Variants in CARS2 observed in about 807,000 individuals in gnomAD.
The protein encoded by CARS2 is cysteinyl-tRNA synthetase 2, mitochondrial.
A neutral mutation model predicts 68.8 loss-of-function variants in CARS2; 52 were observed. That is an observed-to-expected ratio of 0.76 (90% CI 0.61 to 0.95). CARS2 has a LOEUF of 0.95. Ranked by LOEUF, CARS2 falls within the 40% of genes least tolerant of loss-of-function variation. The pLI, the probability that CARS2 is intolerant of heterozygous loss-of-function variation, is 0.00. For synonymous variants in CARS2, 314 were observed against 303.6 expected (o/e 1.03, Z -0.36); for missense variants, 780 against 754.2 (o/e 1.03, Z -0.40).
In CARS2 at chr13:110,644,047, G is replaced by GA. The variant is rs547477165; in HGVS notation, c.1416+337dup. ...GCCAACTTGCCCTCAAATGGGTCAG[G>GA]AAAAAATGTTCTCTTACTGTGCCTG... is the stretch of plus-strand genomic sequence containing the variant. On this transcript the variant is annotated intron_variant, in intron 13 of 14. Transcript: ENST00000257347. 920 of 1,244,640 alleles carry GA rather than the reference G, an allele frequency of 7.4e-4. 12 individuals are homozygous for GA. In the African/African-American group the frequency reaches 0.012, roughly 16 times the overall value. The allele number at this position is 1,244,640 out of a possible 1,614,324, so 77.1% of individuals were successfully genotyped here.
chr13:110,642,626 G>T, intron 13 of CARS2, 105 bp from the exon 14 acceptor site: 2 of 1,101,116 alleles, frequency 1.8e-6, no homozygotes, highest in Non-Finnish European at 2.8e-6. Context: ...CCAGCCCTGG[G>T]CTTCCCTGAT....
chr13:110,711,200 G>A (rs2064023976), upstream of CARS2, among the ~76,000 whole-genome samples: 1 of 151,304 alleles, frequency 6.6e-6, no homozygotes, highest in Non-Finnish European at 1.5e-5. Context: ...TCCACATAAT[G>A]TTATCTTGTC....
chr13:110,691,895 G>A (rs1349083640), intron 3 of CARS2, among the ~76,000 whole-genome samples: 1 of 149,732 alleles, frequency 6.7e-6, no homozygotes, highest in Admixed American at 6.7e-5. Context: ...GCATCCACAG[G>A]GGCATCCCTA....
intron 3 of CARS2, among the ~76,000 whole-genome samples, chr13:110,700,680 A>C (rs2063758722): frequency 1.3e-5 from 2 of 152,262 alleles, no homozygotes; most frequent in African/African-American, 4.8e-5. Flanking sequence ...TTGTTCTGAG[A>C]CTGAAATACT....
At chr13:110,687,407 C>T (rs1329895036) in intron 5 of CARS2, among the ~76,000 whole-genome samples, 2 of 152,144 alleles carry the variant, frequency 1.3e-5, no homozygotes, top group Non-Finnish European at 1.5e-5. Context: ...CAGTGGCTCA[C>T]GCCTGTAATC....
chr13:110,697,832 G>T, intron 3 of CARS2: 1 of 402,446 alleles, frequency 2.5e-6, no homozygotes, highest in Non-Finnish European at 4.9e-6. Flanking sequence ...ATTGGGAAAA[G>T]GCTAGAACTG....
chr13:110,712,954 A>C (rs950489401), intron 1 of CARS2: 1 of 1,559,428 alleles, frequency 6.4e-7, no homozygotes, highest in Non-Finnish European at 8.7e-7. Flanking sequence ...GGCTGCTGGG[A>C]GTGGTGGTCC....
chr13:110,697,698 T>C (rs2063663114), intron 3 of CARS2, among the ~76,000 whole-genome samples: 1 of 152,198 alleles, frequency 6.6e-6, no homozygotes, highest in African/African-American at 2.4e-5. Context: ...CCTTCCAAAG[T>C]ATAGGATTAC....
intron 9 of CARS2, among the ~76,000 whole-genome samples, chr13:110,655,488 A>G (rs1208341143): frequency 6.6e-6 from 1 of 152,206 alleles, no homozygotes; most frequent in Non-Finnish European, 1.5e-5. Context: ...GACTGAGGCC[A>G]AGAGATTAAT....
chr13:110,712,930 G>A (rs901522507), intron 1 of CARS2: 1 of 1,556,768 alleles, frequency 6.4e-7, no homozygotes, highest in South Asian at 1.2e-5. Flanking sequence ...TGGCGCAGGC[G>A]CGGGAGCCGC....
chr13:110,696,343 A>C (rs563825406), intron 3 of CARS2, among the ~76,000 whole-genome samples: 1 of 152,314 alleles, frequency 6.6e-6, no homozygotes, highest in South Asian at 2.1e-4. Flanking sequence ...GAGGAATCGC[A>C]ACACTGTCTT....
chr13:110,650,712 A>G, intron 10 of CARS2: 1 of 300,954 alleles, frequency 3.3e-6, no homozygotes. Flanking sequence ...GGGCCGTGCC[A>G]GGCTGGCCCC....
intron 13 of CARS2, chr13:110,642,790 T>C (rs764473912): frequency 4.2e-6 from 3 of 707,000 alleles, no homozygotes. Flanking sequence ...GGCTGGGGGC[T>C]GCATGCCGCC....
At chr13:110,671,322 G>A (rs1326620302) in intron 7 of CARS2, among the ~76,000 whole-genome samples, 4 of 152,224 alleles carry the variant, frequency 2.6e-5, no homozygotes, top group Middle Eastern at 3.4e-3. Context: ...GAGAAAGGTC[G>A]GGTTACCCAC....
At chr13:110,674,112 T>C (rs938073078) in intron 7 of CARS2, among the ~76,000 whole-genome samples, 2 of 152,122 alleles carry the variant, frequency 1.3e-5, no homozygotes, top group African/African-American at 2.4e-5. Flanking sequence ...GAAGAATCAA[T>C]ATCGTGAAAA....
chr13:110,683,056 T>C lies in CARS2; in HGVS notation c.650A>G (p.Glu217Gly). 3 of 1,600,224 alleles carry C rather than the reference T, an allele frequency of 1.9e-6. No individual in the cohort carries two copies. The highest frequency in any genetic ancestry group is 1.4e-5 in the African/African-American group (1 of 74,008). The stretch of plus-strand genomic sequence containing the variant: ...GCTGAGCCCGGCCAACCCACCTGGC[T>C]CTCCGACTGGACCAGGGACCACGCC... ...LVGVVPGPVGEPADSDKRHAS... is the reference protein window; with the variant it reads ...LVGVVPGPVGGPADSDKRHAS... The change falls in exon 6 of 15, where the codon GAG becomes GGG. Residue 217 changes from glutamate (E) to glycine (G), a missense_variant. By Grantham distance (98) the Glu-to-Gly change is moderately conservative. Coordinates refer to ENST00000257347, the MANE Select transcript of CARS2 (RefSeq NM_024537.4).
intron 6 of CARS2, among the ~76,000 whole-genome samples, chr13:110,679,650 CGGAGGGAGGGAGGGAGGGAGGGAG>C (rs571685789): frequency 2.3e-5 from 1 of 43,162 alleles, no homozygotes; most frequent in Non-Finnish European, 4.4e-5. Flanking sequence ...CGGGCGTGAC[CGGAGGGAGGGAGGGAGGGAGGGAG>C]GGAGGGAGGG....
rs183945423 is a variant in CARS2 at position 110,670,345 on chromosome 13, T to C, written c.786-2872A>G. 6.6e-6 allele frequency among the ~76,000 whole-genome samples: 1 copy of C among 152,256 alleles called. No homozygotes were observed. Among genetic ancestry groups the C allele is most frequent in the Non-Finnish European group, 1.5e-5 (1 of 68,016 alleles). On this transcript the variant is annotated intron_variant, in intron 7 of 14. Transcript: ENST00000257347. This position sits in a 1 kb window ranked among gnomAD's most constrained non-coding sequence, Gnocchi z 4.1. ...TGACACCTCATACAGCCAGGTGCCC[T>C]CTGAGACGAAGCTTCCAGAGGAAGG...
chr13:110,642,869 C>T (rs79847822), intron 13 of CARS2: 32,433 of 534,010 alleles, frequency 0.061, 1,127 homozygotes, highest in Middle Eastern at 0.085. Context: ...TCAGGAGCAA[C>T]CTGAGGATGA....
Sources: gnomAD v4.1 joint callset for allele counts (sites outside exome capture counted in the v4.1 genomes callset) on GRCh38, gnomAD v4.1.1 for gene constraint, Gnocchi (gnomAD v3.1) non-coding constraint, MANE v1.5 for transcripts, NCBI Gene and HGNC (gene_info 2026-07-23, HGNC 2026-07-21) for gene names.